Variants in DNM3 observed in about 807,000 individuals in gnomAD.
The protein encoded by DNM3 is dynamin 3.
Under a neutral mutation model 101.6 loss-of-function variants are expected in DNM3, and 47 were observed. The ratio of observed to expected loss-of-function variants is 0.46; its 90% CI spans 0.37 to 0.59. The LOEUF is 0.59. Ranked by LOEUF, DNM3 falls within the 20% of genes least tolerant of loss-of-function variation. The probability of loss-of-function intolerance (pLI) is 0.00; values close to 1 mark genes in which losing one functional copy is unlikely to be tolerated. For missense variants in DNM3, 849 were observed against 1,085.7 expected, an observed-to-expected ratio of 0.78 and a Z score of 3.06; for synonymous variants, 385 against 387.9, an observed-to-expected ratio of 0.99 and a Z score of 0.09.
intron 2 of DNM3, among the ~76,000 whole-genome samples, chr1:171,930,863 C>T (rs1367270633): frequency 6.6e-6 from 1 of 152,190 alleles, no homozygotes; most frequent in African/African-American, 2.4e-5. Context: ...GGCCACCTCT[C>T]ATCAATTGTA....
chr1:172,273,976 C>A (rs1294867350), intron 15 of DNM3, among the ~76,000 whole-genome samples: 1 of 152,030 alleles, frequency 6.6e-6, no homozygotes, highest in Non-Finnish European at 1.5e-5. Context: ...GTGCTTATTG[C>A]ATAAGTAAGT....
At chr1:171,842,567 A>C (rs915521135) in intron 1 of DNM3, among the ~76,000 whole-genome samples, 5 of 152,042 alleles carry the variant, frequency 3.3e-5, no homozygotes, top group Non-Finnish European at 5.9e-5. Flanking sequence ...ACGTGGACTT[A>C]TGTTGTCCAG....
At position 171,896,953 on chromosome 1, in the gene DNM3, A is replaced by G. The variant is rs186683258; in HGVS notation, c.162-24795A>G. Among the ~76,000 whole-genome samples the G allele has an allele frequency of 7.7e-4, 118 of 152,310 alleles. 2 individuals carry two copies. The highest frequency in any genetic ancestry group is 3.5e-3 in the Admixed American group (54 of 15,294). The stretch of plus-strand genomic sequence containing the variant: ...TTGCTCCCTTAATTGTTCTTTACAT[A>G]CTACTGCTTCTCTCATTTCATTTTC... On this transcript the variant is annotated intron_variant, in intron 1 of 20. Transcript: ENST00000627582.
intron 2 of DNM3, among the ~76,000 whole-genome samples, chr1:171,984,579 T>C (rs2045101461): frequency 6.6e-6 from 1 of 152,200 alleles, no homozygotes; most frequent in African/African-American, 2.4e-5. Context: ...TCCTTATCTA[T>C]ACCACATAAC....
At chr1:172,023,309 C>T (rs2047973057) in intron 4 of DNM3, among the ~76,000 whole-genome samples, 1 of 152,022 alleles carries the variant, frequency 6.6e-6, no homozygotes, top group South Asian at 2.1e-4. Flanking sequence ...TAGTTTGCTC[C>T]CTTGTTTTGT....
At chr1:172,093,577 A>G in intron 13 of DNM3, 1 of 783,108 alleles carries the variant, frequency 1.3e-6, no homozygotes, top group Non-Finnish European at 1.9e-6. Flanking sequence ...TTATTGAACA[A>G]ATTGAAACCT....
At chr1:172,167,881 G>A (rs2058807722) in intron 14 of DNM3, among the ~76,000 whole-genome samples, 1 of 151,986 alleles carries the variant, frequency 6.6e-6, no homozygotes, top group African/African-American at 2.4e-5. Context: ...GAGACTTCGA[G>A]TTGTTAAACT....
intron 1 of DNM3, among the ~76,000 whole-genome samples, chr1:171,852,572 G>A (rs954109576): frequency 1.3e-5 from 2 of 152,200 alleles, no homozygotes; most frequent in Admixed American, 1.3e-4. Context: ...CCATTTGTCA[G>A]AGAATAGTTG....
chr1:171,968,542 G>A (rs1416406553), intron 2 of DNM3, among the ~76,000 whole-genome samples: 2 of 152,154 alleles, frequency 1.3e-5, no homozygotes, highest in African/African-American at 2.4e-5. Context: ...GCTAGCACTG[G>A]CTTGTTTGGA....
intron 14 of DNM3, among the ~76,000 whole-genome samples, chr1:172,239,871 A>C (rs971436136): frequency 7.4e-6 from 1 of 134,952 alleles, no homozygotes; most frequent in African/African-American, 3.0e-5. Flanking sequence ...GAGGGGAACT[A>C]TTCCAGTTCA....
intron 17 of DNM3, among the ~76,000 whole-genome samples, chr1:172,330,250 T>C (rs925531271): frequency 7.2e-5 from 11 of 152,276 alleles, no homozygotes; most frequent in Middle Eastern, 6.8e-3. Context: ...TCATAGAAAA[T>C]TGGTTGAATA....
intron 4 of DNM3, 144 bp downstream of exon 4, chr1:171,989,292 TA>T (rs2045482334): frequency 2.1e-6 from 1 of 483,840 alleles, no homozygotes; most frequent in African/African-American, 2.0e-5. Flanking sequence ...GTATTTTAAA[TA>T]GAAAATTCAG....
intron 17 of DNM3, among the ~76,000 whole-genome samples, chr1:172,352,289 C>T (rs777202547): frequency 6.6e-6 from 1 of 152,144 alleles, no homozygotes; most frequent in Non-Finnish European, 1.5e-5. Context: ...CCATTAAAGG[C>T]TAAAAAAGTC....
intron 7 of DNM3, among the ~76,000 whole-genome samples, chr1:172,039,629 G>C (rs16843727): frequency 1.3e-5 from 2 of 151,908 alleles, no homozygotes; most frequent in African/African-American, 4.8e-5. Context: ...CAAATACCGG[G>C]TCTTGCCTCT....
chr1:172,337,142 G>C (rs996774346), intron 17 of DNM3, among the ~76,000 whole-genome samples: 7 of 152,138 alleles, frequency 4.6e-5, no homozygotes, highest in Admixed American at 6.5e-5. Flanking sequence ...CCTTTTCCAA[G>C]CTTACCATTT....
chr1:172,233,120 A>G (rs1289011872), intron 14 of DNM3, among the ~76,000 whole-genome samples: 2 of 152,204 alleles, frequency 1.3e-5, no homozygotes, highest in African/African-American at 4.8e-5. Context: ...GAAAAGATCA[A>G]CAAAATTGAT....
At chr1:171,889,036 G>A (rs2037024716) in intron 1 of DNM3, among the ~76,000 whole-genome samples, 1 of 152,212 alleles carries the variant, frequency 6.6e-6, no homozygotes, top group South Asian at 2.1e-4. Flanking sequence ...CTGGATTGCA[G>A]TGGTGCAATC....
chr1:172,145,269 G>GT (rs1473787366), intron 14 of DNM3, among the ~76,000 whole-genome samples: 1 of 151,430 alleles, frequency 6.6e-6, no homozygotes, highest in Non-Finnish European at 1.5e-5. Context: ...TTATTTTCTG[G>GT]TATTTCACTC....
At chr1:172,007,410 G>A (rs896992935) in intron 4 of DNM3, among the ~76,000 whole-genome samples, 3 of 152,078 alleles carry the variant, frequency 2.0e-5, no homozygotes, top group African/African-American at 4.8e-5. Flanking sequence ...ATCAGTTCAC[G>A]TCCTTATAGG....
Sources: allele counts gnomAD v4.1 joint callset (sites outside exome capture counted in the v4.1 genomes callset), GRCh38; gene constraint gnomAD v4.1.1; transcripts MANE v1.5; gene names NCBI Gene and HGNC (gene_info 2026-07-23, HGNC 2026-07-21).